LHFPL3: variants seen among roughly 807,000 people sequenced by gnomAD.
LHFPL3 encodes LHFPL tetraspan subfamily member 3, also known as LHFPL tetraspan subfamily member 3 protein.
A neutral mutation model predicts 19.3 loss-of-function variants in LHFPL3; 5 were observed. The ratio of observed to expected loss-of-function variants is 0.26; its 90% CI spans 0.14 to 0.54. The LOEUF is 0.54. LHFPL3 is among the 20% of genes least tolerant of loss of function. The probability of loss-of-function intolerance (pLI) is 0.94; values close to 1 mark genes in which losing one functional copy is unlikely to be tolerated. For missense variants in LHFPL3, 249 were observed against 307.4 expected (o/e 0.81, Z 1.42); for synonymous variants, 133 against 126.2 (o/e 1.05, Z -0.36).
chr7:104,629,436 A>G (rs1398634698), intron 1 of LHFPL3, among the ~76,000 whole-genome samples: 4 of 152,194 alleles, frequency 2.6e-5, no homozygotes, highest in Admixed American at 2.0e-4. Flanking sequence ...TGAGGGCTAC[A>G]AGCCAGTGTT....
intron 1 of LHFPL3, among the ~76,000 whole-genome samples, chr7:104,707,240 C>A (rs560545065): frequency 6.6e-6 from 1 of 152,280 alleles, no homozygotes; most frequent in East Asian, 1.9e-4. Context: ...AGTGTTCAGT[C>A]AGGTACAAGC....
chr7:104,833,353 TATATAATA>T (rs1457566997), intron 2 of LHFPL3, among the ~76,000 whole-genome samples: 8 of 8,588 alleles, frequency 9.3e-4, no homozygotes, highest in African/African-American at 4.1e-3. Context: ...ATATATTATA[TATATAATA>T]GGATATATAT....
At chr7:104,577,994 C>T (rs531284709) in intron 1 of LHFPL3, among the ~76,000 whole-genome samples, 8 of 152,240 alleles carry the variant, frequency 5.3e-5, no homozygotes, top group African/African-American at 1.4e-4. Flanking sequence ...GAAATTCTGT[C>T]GGTTTATCAT....
chr7:104,541,861 G>A (rs1020461848), intron 1 of LHFPL3, among the ~76,000 whole-genome samples: 3 of 152,016 alleles, frequency 2.0e-5, no homozygotes, highest in African/African-American at 7.2e-5. Context: ...TAGCAAGGAA[G>A]AGAAAACATC....
intron 1 of LHFPL3, among the ~76,000 whole-genome samples, chr7:104,691,238 G>C (rs914869788): frequency 6.6e-6 from 1 of 152,264 alleles, no homozygotes; most frequent in South Asian, 2.1e-4. Flanking sequence ...AACGTAATTG[G>C]GCTTAAGCAG....
Position 104,384,157 on chromosome 7 carries a change from C to T in LHFPL3, c.445+54933C>T, listed in dbSNP as rs1208654020. 4.6e-5 allele frequency among the ~76,000 whole-genome samples: 7 copies of T among 151,870 alleles called. No homozygotes were observed. The East Asian group carries it at 1.3e-3, about 29-fold the overall frequency. Reference sequence around the variant, plus strand: ...TAAATAACACCAACTACTGGGGGTGCTGAGTATGGGAGAAGTGGAAGAGCT... The same window carrying T: ...TAAATAACACCAACTACTGGGGGTGTTGAGTATGGGAGAAGTGGAAGAGCT... On this transcript the variant is annotated intron_variant, in intron 1 of 2. Transcript: ENST00000424859.
intron 1 of LHFPL3, among the ~76,000 whole-genome samples, chr7:104,483,701 A>G (rs1213005727): frequency 6.6e-6 from 1 of 152,148 alleles, no homozygotes; most frequent in Non-Finnish European, 1.5e-5. Flanking sequence ...CTGCAGCCTC[A>G]AACTCCTGGG....
chr7:104,520,310 G>T (rs1412063061), intron 1 of LHFPL3, among the ~76,000 whole-genome samples: 4 of 148,968 alleles, frequency 2.7e-5, no homozygotes, highest in Non-Finnish European at 6.0e-5. Flanking sequence ...CTTGATCATG[G>T]TGGATAAGCT....
At chr7:104,874,408 G>GT (rs1022312642) in intron 2 of LHFPL3, among the ~76,000 whole-genome samples, 2 of 115,342 alleles carry the variant, frequency 1.7e-5, no homozygotes, top group African/African-American at 3.5e-5. Context: ...TTTTTTTTTG[G>GT]GGGGGGGACA....
intron 2 of LHFPL3, among the ~76,000 whole-genome samples, chr7:104,886,475 C>G (rs1427537861): frequency 6.6e-6 from 1 of 152,190 alleles, no homozygotes; most frequent in African/African-American, 2.4e-5. Flanking sequence ...AGCAATTCTC[C>G]TGCCTCAGCC....
At position 104,497,212 on chromosome 7, in the gene LHFPL3, A is replaced by G. The variant is rs560775570; in HGVS notation, c.445+167988A>G. On this transcript the variant is annotated intron_variant, in intron 1 of 2. Coordinates refer to ENST00000424859, the MANE Select transcript of LHFPL3 (RefSeq NM_199000.3). ...TTCCCAGAGCATGTCTTATGCATTG[A>G]TAAGTTTCACTTATGTGTCAGAACA... is the stretch of plus-strand genomic sequence containing the variant. Among the ~76,000 whole-genome samples the G allele has an allele frequency of 1.1e-4, 16 of 152,038 alleles. No homozygotes were observed. In the South Asian group the frequency reaches 2.9e-3, roughly 28 times the overall value.
At chr7:104,559,786 T>C (rs1428700716) in intron 1 of LHFPL3, among the ~76,000 whole-genome samples, 1 of 150,688 alleles carries the variant, frequency 6.6e-6, no homozygotes, top group African/African-American at 2.5e-5. Context: ...CTTCCAGTTT[T>C]TGCCCATTCA....
chr7:104,873,747 C>T (rs1381137676), intron 2 of LHFPL3, among the ~76,000 whole-genome samples: 1 of 152,198 alleles, frequency 6.6e-6, no homozygotes, highest in Non-Finnish European at 1.5e-5. Flanking sequence ...GTATACATTT[C>T]CAATGGGATT....
intron 1 of LHFPL3, among the ~76,000 whole-genome samples, chr7:104,457,925 G>A (rs905619882): frequency 3.5e-5 from 5 of 144,134 alleles, no homozygotes; most frequent in Non-Finnish European, 7.6e-5. Flanking sequence ...TTTGAGAAGT[G>A]TCTGTTCATA....
rs528504851 is a variant in LHFPL3 at position 104,814,917 on chromosome 7, G to A, written c.682+78006G>A. Among the ~76,000 whole-genome samples, 524 of 152,322 alleles carry A rather than the reference G, an allele frequency of 3.4e-3. 8 individuals carry two copies. The highest frequency in any genetic ancestry group is 0.012 in the African/African-American group (497 of 41,588). On this transcript the variant is annotated intron_variant, in intron 2 of 2. Coordinates refer to ENST00000424859, the MANE Select transcript of LHFPL3 (RefSeq NM_199000.3). Reference sequence around the variant, plus strand: ...AGCAGGCACTTTCAAGCCTGCAAGGGCAGGGGTGCCTTCCCAGACCCCCAG... The same window carrying A: ...AGCAGGCACTTTCAAGCCTGCAAGGACAGGGGTGCCTTCCCAGACCCCCAG...
intron 2 of LHFPL3, chr7:104,803,879 A>G (rs1003890679): frequency 6.6e-6 from 1 of 152,228 alleles, no homozygotes; most frequent in Non-Finnish European, 1.5e-5. Flanking sequence ...ACTATATCCA[A>G]TAATCAAATA....
chr7:104,707,810 T>A (rs576430158), intron 1 of LHFPL3, among the ~76,000 whole-genome samples: 5 of 152,196 alleles, frequency 3.3e-5, no homozygotes, highest in Non-Finnish European at 7.3e-5. Flanking sequence ...GGAAGGAGGA[T>A]GCATTAGAGG....
chr7:104,414,055 A>T (rs143926663), intron 1 of LHFPL3, among the ~76,000 whole-genome samples: 1 of 152,114 alleles, frequency 6.6e-6, no homozygotes, highest in East Asian at 1.9e-4. Flanking sequence ...TAATCCCTTT[A>T]TCCCTTGTAA....
At chr7:104,590,126 C>G (rs200251587) in intron 1 of LHFPL3, among the ~76,000 whole-genome samples, 28 of 152,062 alleles carry the variant, frequency 1.8e-4, no homozygotes, top group South Asian at 1.7e-3. Context: ...GTTCTGCTCT[C>G]ATCTTAGTTA....
Sources: gnomAD v4.1 joint callset for allele counts (sites outside exome capture counted in the v4.1 genomes callset) on GRCh38, gnomAD v4.1.1 for gene constraint, MANE v1.5 for transcripts, NCBI Gene and HGNC (gene_info 2026-07-23, HGNC 2026-07-21) for gene names.